SPDYC: variants seen among roughly 807,000 people sequenced by gnomAD.
SPDYC encodes the protein speedy protein C.
SPDYC carries 25 observed loss-of-function variants against 33.9 expected under a neutral mutation model. The observed-to-expected ratio is 0.74, with a 90% CI of 0.54 to 1.03. SPDYC has a LOEUF of 1.03. Among genes scored for constraint, SPDYC ranks in the 50% least tolerant of loss-of-function variants. SPDYC has a pLI of 0.00. For synonymous variants in SPDYC, 133 were observed against 140.2 expected (o/e 0.95, Z 0.36); for missense variants, 349 against 382.9 (o/e 0.91, Z 0.74).
chr11:65,172,210 GAATAA>G, intron 3 of SPDYC, 31 bp from the exon 4 acceptor site: 1 of 1,612,796 alleles, frequency 6.2e-7, no homozygotes. Flanking sequence ...CCTCCTCAGA[GAATAA>G]CTAACCCCCC....
At chr11:65,173,081 A>G (rs1182889030) in intron 6 of SPDYC, 67 bp downstream of exon 6, 2 of 1,597,148 alleles carry the variant, frequency 1.3e-6, no homozygotes, top group Non-Finnish European at 1.7e-6. Flanking sequence ...GTGAGGACCA[A>G]CAATATGAGA....
intron 1 of SPDYC, 39 bp downstream of exon 1, chr11:65,170,300 G>A (rs1480344752): frequency 1.3e-6 from 2 of 1,554,242 alleles, no homozygotes; most frequent in South Asian, 1.2e-5. Context: ...TTGCTTGCGG[G>A]CGCCTAGATG....
downstream of SPDYC, chr11:65,173,256 C>T (rs1948461605): frequency 6.2e-7 from 1 of 1,607,408 alleles, no homozygotes; most frequent in Non-Finnish European, 8.5e-7. Context: ...TGCTGGCCCA[C>T]TGACTGACAC....
Position 65,172,483 on chromosome 11 carries a change from AT to A in SPDYC, c.399del (p.Pro134HisfsTer32). 6.3e-7 allele frequency: 1 copy of A among 1,581,428 alleles called. No homozygotes were observed. Among genetic ancestry groups the A allele is most frequent in the Non-Finnish European group, 8.6e-7 (1 of 1,162,370 alleles). Reference sequence around the variant, plus strand: ...GGACCTGGAGGGCCCCAAATGTGAGATTTTTCCATGGGCCCTGGGAAAAGAT... The same window carrying A: ...GGACCTGGAGGGCCCCAAATGTGAGATTTTCCATGGGCCCTGGGAAAAGAT... On this transcript the variant is annotated frameshift_variant, in exon 5 of 7. Transcript: ENST00000377185. LOFTEE classifies it high-confidence loss of function.
rs755016243 is a variant in SPDYC at position 65,172,676 on chromosome 11, C to T, written c.517-8C>T. ...CACCCCATTTACTGTCCACTCTGCTCCTCCCAGGTCATGGCAAAGGAGCCA... is the reference window on the plus strand; with the variant it reads ...CACCCCATTTACTGTCCACTCTGCTTCTCCCAGGTCATGGCAAAGGAGCCA... On this transcript the variant is annotated splice_region_variant and splice_polypyrimidine_tract_variant and intron_variant, in intron 5 of 6. Transcript: ENST00000377185. 12 of 1,594,086 alleles carry T rather than the reference C, an allele frequency of 7.5e-6. No homozygotes were observed. The highest frequency in any genetic ancestry group is 1.1e-5 in the South Asian group (1 of 88,918).
At chr11:65,170,977 CG>C (rs1948424151) in intron 1 of SPDYC, among the ~76,000 whole-genome samples, 1 of 152,180 alleles carries the variant, frequency 6.6e-6, no homozygotes, top group Non-Finnish European at 1.5e-5. Context: ...TCAGTTTCCT[CG>C]TTTGACGACC....
intron 1 of SPDYC, among the ~76,000 whole-genome samples, chr11:65,170,657 G>C (rs1948421293): frequency 6.6e-6 from 1 of 151,872 alleles, no homozygotes; most frequent in Non-Finnish European, 1.5e-5. Flanking sequence ...AGCACTTTGG[G>C]AGGTCAGGAG....
Position 65,171,507 on chromosome 11 carries a change from T to G in SPDYC, c.199+8T>G, listed in dbSNP as rs1454803033. The G allele has an allele frequency of 6.4e-7, 1 of 1,553,448 alleles. No individual in the cohort carries two copies. On this transcript the variant is annotated splice_region_variant and intron_variant, in intron 2 of 6. Transcript: ENST00000377185. ...CCTTCCTCAGCCTTCTGGGTGAGTT[T>G]GGAGGGCTGGCACGGGAGGGGCCGT...
At position 65,172,712 on chromosome 11, in the gene SPDYC, C is replaced by CT. The variant is rs775052726; in HGVS notation, c.547dup (p.Trp183LeufsTer49). 2 of 1,610,772 alleles carry CT rather than the reference C, an allele frequency of 1.2e-6. No individual in the cohort carries two copies. Among genetic ancestry groups the CT allele is most frequent in the African/African-American group, 2.7e-5 (2 of 74,834 alleles). On this transcript the variant is annotated frameshift_variant, in exon 6 of 7. Transcript: ENST00000377185. LOFTEE classifies it high-confidence loss of function. ...ATGGCAAAGGAGCCATTCCACTGGG[C>CT]TTGGACTCGGGACCGGCGCCCCCAC... is the stretch of plus-strand genomic sequence containing the variant.
rs773763733 is a variant in SPDYC at position 65,172,519 on chromosome 11, C to T, written c.430C>T (p.Arg144Ter). The change falls in exon 5 of 7, where the codon CGA (arginine) becomes TGA (stop). Residue 144 changes from arginine to a stop codon, truncating the protein, a stop_gained. Transcript: ENST00000377185. LOFTEE classifies it high-confidence loss of function. ...GGCCCTGGGAAAAGATTGGTGTTTACGAGTGGGGAAATTCCTGCACCAGAG... is the reference window on the plus strand; with the variant it reads ...GGCCCTGGGAAAAGATTGGTGTTTATGAGTGGGGAAATTCCTGCACCAGAG... The T allele has an allele frequency of 9.5e-6, 15 of 1,578,436 alleles. No individual in the cohort carries two copies. The highest frequency in any genetic ancestry group is 4.1e-5 in the African/African-American group (3 of 73,806).
rs1183998673 is a variant in SPDYC, at chr11:65,172,325, TG to T, written c.340del (p.Ala114ProfsTer52). 1.9e-6 allele frequency: 3 copies of T among 1,614,132 alleles called. No individual in the cohort carries two copies. In the Admixed American group the frequency reaches 5.0e-5, roughly 27 times the overall value. ...GAGTATACCCACAGCAGCCTGTTCT[TG>T]GCCCTGTGAGTGGTGGGGGCAGGCA... On this transcript the variant is annotated frameshift_variant, in exon 4 of 7. Transcript: ENST00000377185. LOFTEE classifies it high-confidence loss of function.
rs372740111 is a variant in SPDYC at position 65,172,027 on chromosome 11, C to G, written c.258+26C>G. 3.1e-6 allele frequency: 5 copies of G among 1,613,042 alleles called. No homozygotes were observed. The South Asian group carries it at 5.5e-5, about 18-fold the overall frequency. On this transcript the variant is annotated intron_variant, in intron 3 of 6. Coordinates refer to ENST00000377185, the Ensembl canonical transcript of SPDYC. ...GTGAGGGAGTACAGGCTGGGGGTCT[C>G]TTGAGGGTCAGGTTGAGTTGGTGGG...
chr11:65,172,141 A>C lies in SPDYC; in HGVS notation c.259-105A>C, dbSNP rs749717231. 149 of 1,519,026 alleles carry C rather than the reference A, an allele frequency of 9.8e-5. 1 individual carries two copies. The South Asian group carries it at 1.1e-3, about 11-fold the overall frequency. 94.1% of individuals were successfully genotyped at this position (1,519,026 alleles called of 1,614,324 possible). The stretch of plus-strand genomic sequence containing the variant: ...CACACCACTTCCCACCATTTTACTG[A>C]CTTTCTTTCCCTGCAGCAAAACCTC... On this transcript the variant is annotated intron_variant, in intron 3 of 6. Transcript: ENST00000377185.
chr11:65,172,956 C>A, exon 6 of SPDYC: 1 of 1,613,936 alleles, frequency 6.2e-7, no homozygotes, highest in Non-Finnish European at 8.5e-7. Flanking sequence ...GGGGTGGGGA[C>A]TTTCTCATCG....
rs887396183 is a variant in SPDYC at position 65,171,427 on chromosome 11, C to T, written c.127C>T (p.Arg43Trp). 20 of 1,605,008 alleles carry T rather than the reference C, an allele frequency of 1.2e-5. 1 individual carries two copies. The highest frequency in any genetic ancestry group is 6.8e-5 in the East Asian group (3 of 44,262). Residue 43 changes from arginine (R) to tryptophan (W), a missense_variant, in exon 2 of 7, where the codon CGG becomes TGG. Physicochemically the swap from Arg to Trp is moderately radical, Grantham distance 101 (BLOSUM62 -3). Coordinates refer to ENST00000377185, the Ensembl canonical transcript of SPDYC. ...CCAGGTAGAGCTGGGGGGCTGCAGC[C>T]GGCAAGGTGGGGGCAATGGGTTCCT...
At chr11:65,171,622 C>T (rs1055959290) in intron 2 of SPDYC, 123 bp downstream of exon 2, 1 of 1,204,068 alleles carries the variant, frequency 8.3e-7, no homozygotes, top group Non-Finnish European at 1.1e-6. Flanking sequence ...TCTCAGGTAT[C>T]CCAGCTTAGG....
intron 3 of SPDYC, 37 bp downstream of exon 3, chr11:65,172,038 G>C: frequency 6.2e-7 from 1 of 1,609,256 alleles, no homozygotes; most frequent in Non-Finnish European, 8.5e-7. Flanking sequence ...TTGAGGGTCA[G>C]GTTGAGTTGG....
At chr11:65,170,755 T>C (rs982866021) in intron 1 of SPDYC, among the ~76,000 whole-genome samples, 8 of 152,070 alleles carry the variant, frequency 5.3e-5, no homozygotes, top group African/African-American at 1.9e-4. Flanking sequence ...GCATGGCGCA[T>C]GCCTGTAATC....
intron 1 of SPDYC, 27 bp from the exon 2 acceptor site, chr11:65,171,300 T>G (rs1565372178): frequency 1.3e-6 from 2 of 1,591,284 alleles, no homozygotes; most frequent in Non-Finnish European, 1.7e-6. Context: ...GGGTACATGC[T>G]AAGTCCTGAG....
Sources: allele counts gnomAD v4.1 joint callset (sites outside exome capture counted in the v4.1 genomes callset), GRCh38; gene constraint gnomAD v4.1.1; transcripts MANE v1.5; gene names NCBI Gene and HGNC (gene_info 2026-07-23, HGNC 2026-07-21).